The following KIF6 variants were observed in gnomAD, a reference collection of about 807,000 sequenced individuals.
The protein encoded by KIF6 is kinesin-like protein KIF6.
A neutral mutation model predicts 112.7 loss-of-function variants in KIF6; 106 were observed. The observed-to-expected ratio is 0.94, with a 90% CI of 0.80 to 1.11. KIF6 has a LOEUF of 1.11. KIF6 is among the 50% of genes least tolerant of loss of function. The pLI is 0.00. For missense variants in KIF6, 929 were observed against 964.0 expected (o/e 0.96, Z 0.48); for synonymous variants, 339 against 339.9 (o/e 1.00, Z 0.03).
intron 13 of KIF6, among the ~76,000 whole-genome samples, chr6:39,435,894 G>A (rs1214104148): frequency 6.6e-6 from 1 of 152,156 alleles, no homozygotes; most frequent in African/African-American, 2.4e-5. Flanking sequence ...TGGGATTGCT[G>A]GATCAAGTGG....
intron 6 of KIF6, among the ~76,000 whole-genome samples, chr6:39,611,519 C>T (rs1035041108): frequency 3.9e-5 from 6 of 152,104 alleles, no homozygotes; most frequent in African/African-American, 1.4e-4. Context: ...AGGGCCTTTC[C>T]ATAACCCACT....
intron 6 of KIF6, among the ~76,000 whole-genome samples, chr6:39,611,402 CTT>C (rs1282965121): frequency 6.6e-6 from 1 of 152,194 alleles, no homozygotes; most frequent in African/African-American, 2.4e-5. Context: ...TTCCTTAAAA[CTT>C]TGCAAAACCC....
intron 15 of KIF6, among the ~76,000 whole-genome samples, chr6:39,407,001 C>A (rs890211474): frequency 1.3e-5 from 2 of 152,152 alleles, no homozygotes; most frequent in Non-Finnish European, 2.9e-5. Flanking sequence ...AAGTGACCCT[C>A]CCACCTTGGC....
At chr6:39,670,387 CA>C (rs1786740621) in intron 3 of KIF6, among the ~76,000 whole-genome samples, 1 of 152,082 alleles carries the variant, frequency 6.6e-6, no homozygotes, top group Non-Finnish European at 1.5e-5. Context: ...GAAGCCTTAC[CA>C]ATAACATAAA....
chr6:39,495,407 ATCCTGCTC>A (rs1180178295), intron 13 of KIF6, among the ~76,000 whole-genome samples: 3 of 152,180 alleles, frequency 2.0e-5, no homozygotes, highest in Non-Finnish European at 4.4e-5. Flanking sequence ...CCTCAGCAGC[ATCCTGCTC>A]TCCCAGCCCC....
chr6:39,613,145 T>A (rs1286441158), intron 6 of KIF6, 44 bp downstream of exon 6: 8 of 1,462,642 alleles, frequency 5.5e-6, no homozygotes, highest in Non-Finnish European at 7.3e-6. Context: ...AGATACTGTA[T>A]CTTATAATGT....
At chr6:39,415,638 A>C (rs780257552) in intron 15 of KIF6, among the ~76,000 whole-genome samples, 1 of 152,180 alleles carries the variant, frequency 6.6e-6, no homozygotes, top group Non-Finnish European at 1.5e-5. Flanking sequence ...TCTTTTCCTT[A>C]CTCCAGGATA....
chr6:39,686,251 C>T (rs2113788307), intron 3 of KIF6, among the ~76,000 whole-genome samples: 1 of 152,274 alleles, frequency 6.6e-6, no homozygotes, highest in African/African-American at 2.4e-5. Flanking sequence ...AAACAAAAGG[C>T]ACTACCACAT....
intron 7 of KIF6, among the ~76,000 whole-genome samples, chr6:39,595,680 T>C (rs1782212240): frequency 6.6e-6 from 1 of 152,202 alleles, no homozygotes; most frequent in South Asian, 2.1e-4. Flanking sequence ...GAAAACATTA[T>C]GCTAAGTGAA....
At chr6:39,417,663 T>C (rs1175688495) in intron 15 of KIF6, among the ~76,000 whole-genome samples, 1 of 152,152 alleles carries the variant, frequency 6.6e-6, no homozygotes, top group Non-Finnish European at 1.5e-5. Flanking sequence ...CTTCAGAATG[T>C]GGCAAACTTG....
intron 13 of KIF6, among the ~76,000 whole-genome samples, chr6:39,483,628 G>A (rs1774941914): frequency 6.6e-6 from 1 of 152,180 alleles, no homozygotes; most frequent in African/African-American, 2.4e-5. Flanking sequence ...GCATCTGAAA[G>A]AGATCTAAAG....
At chr6:39,692,593 G>A (rs1219473663) in intron 3 of KIF6, among the ~76,000 whole-genome samples, 1 of 152,302 alleles carries the variant, frequency 6.6e-6, no homozygotes, top group East Asian at 1.9e-4. Context: ...CATCAGGTAA[G>A]TTGCCAAGTA....
At chr6:39,701,236 G>A (rs1269278855) in intron 3 of KIF6, among the ~76,000 whole-genome samples, 1 of 152,174 alleles carries the variant, frequency 6.6e-6, no homozygotes, top group Non-Finnish European at 1.5e-5. Context: ...GGTACCTATG[G>A]GATAGCCACC....
intron 2 of KIF6, among the ~76,000 whole-genome samples, chr6:39,718,990 T>A (rs1042832592): frequency 1.3e-5 from 2 of 151,984 alleles, no homozygotes; most frequent in African/African-American, 4.8e-5. Flanking sequence ...AAGGAGAAAT[T>A]CTTTATGAGA....
At chr6:39,420,138 T>C (rs1228732880) in intron 14 of KIF6, 135 bp from the exon 15 acceptor site, 3 of 640,342 alleles carry the variant, frequency 4.7e-6, no homozygotes, top group Non-Finnish European at 8.2e-6. Context: ...TCTAAATAAG[T>C]AAAATATATT....
In KIF6 at chr6:39,335,439, A is replaced by C. The variant is rs1762879211; in HGVS notation, c.*1093T>G. ...TCCTGTTACCCAGTCCTAAAAAACGAAAAAGAAAATCAAGCCAATTATACT... is the reference window on the plus strand; with the variant it reads ...TCCTGTTACCCAGTCCTAAAAAACGCAAAAGAAAATCAAGCCAATTATACT... On this transcript the variant is annotated 3_prime_UTR_variant, in exon 23 of 23. Coordinates refer to ENST00000287152, the MANE Select transcript of KIF6 (RefSeq NM_145027.6). 1 of 152,214 alleles carries C rather than the reference A, an allele frequency of 6.6e-6. No individual in the cohort carries two copies. The highest frequency in any genetic ancestry group is 1.5e-5 in the Non-Finnish European group (1 of 68,080). 9.4% of individuals were successfully genotyped at this position (152,214 alleles called of 1,614,324 possible). A position where few individuals can be genotyped will look rare whatever the true frequency, so the allele number is the denominator to read the frequency against.
intron 13 of KIF6, among the ~76,000 whole-genome samples, chr6:39,526,231 T>C (rs1163324358): frequency 2.0e-5 from 3 of 152,216 alleles, no homozygotes; most frequent in Non-Finnish European, 2.9e-5. Context: ...GGTATGCATT[T>C]TACCAAGCTT....
At chr6:39,678,600 CTT>C (rs889003047) in intron 3 of KIF6, among the ~76,000 whole-genome samples, 2 of 152,172 alleles carry the variant, frequency 1.3e-5, no homozygotes, top group African/African-American at 2.4e-5. Context: ...CCAAAGAAAA[CTT>C]CATGGGTGTA....
intron 10 of KIF6, among the ~76,000 whole-genome samples, chr6:39,566,371 T>C (rs1466044039): frequency 1.3e-5 from 2 of 152,252 alleles, no homozygotes; most frequent in Non-Finnish European, 2.9e-5. Context: ...TTCAGGCTGC[T>C]ACTTTACTTT....
Sources: allele counts gnomAD v4.1 joint callset (sites outside exome capture counted in the v4.1 genomes callset), GRCh38; gene constraint gnomAD v4.1.1; transcripts MANE v1.5; gene names NCBI Gene and HGNC (gene_info 2026-07-23, HGNC 2026-07-21).